The following CHRNB2 variants were observed in gnomAD, a reference collection of about 807,000 sequenced individuals.
The protein encoded by CHRNB2 is cholinergic receptor nicotinic beta 2 subunit.
Under a neutral mutation model 42.7 loss-of-function variants are expected in CHRNB2, and 33 were observed. The observed-to-expected ratio is 0.77, with a 90% CI of 0.59 to 1.03. The LOEUF (loss-of-function observed/expected upper bound fraction) is 1.03. Ranked by LOEUF, CHRNB2 falls within the 50% of genes least tolerant of loss-of-function variation. The pLI is 0.00. For missense variants in CHRNB2, 603 were observed against 700.9 expected, an observed-to-expected ratio of 0.86 and a Z score of 1.58; for synonymous variants, 325 against 292.9, an observed-to-expected ratio of 1.11 and a Z score of -1.12.
chr1:154,571,304 C>T lies in CHRNB2; in HGVS notation c.481C>T (p.His161Tyr), dbSNP rs1282479699. ...GAGCGCATGCAAGATTGAAGTAAAG[C>T]ACTTCCCATTTGACCAGCAGAACTG... Reference protein sequence around the residue: ...YKSACKIEVKHFPFDQQNCTM... With the variant: ...YKSACKIEVKYFPFDQQNCTM... The change falls in exon 5 of 6, where the codon CAC (histidine) becomes TAC (tyrosine). Residue 161 changes from histidine (H) to tyrosine (Y), a missense_variant. By Grantham distance (83) the His-to-Tyr change is moderately conservative (BLOSUM62 2). This residue lies in a region of CHRNB2 where 333 missense variants were observed against 452.6 expected (regional missense o/e 0.74). Transcript: ENST00000368476. The surrounding 1 kb of genome is among the most constrained non-coding windows in gnomAD (Gnocchi z 6.8). 1 of 1,614,230 alleles carries T rather than the reference C, an allele frequency of 6.2e-7. No individual in the cohort carries two copies. Among genetic ancestry groups the T allele is most frequent in the Non-Finnish European group, 8.5e-7 (1 of 1,180,040 alleles).
At chr1:154,575,350 A>C (rs1696251940) in intron 5 of CHRNB2, among the ~76,000 whole-genome samples, 1 of 152,226 alleles carries the variant, frequency 6.6e-6, no homozygotes, top group African/African-American at 2.4e-5. Context: ...GGATCAAGGC[A>C]GCCTTCAGAG....
In CHRNB2 at chr1:154,576,640, T is replaced by C. The variant is rs1696285921; in HGVS notation, c.*708T>C. Reference sequence around the variant, plus strand: ...TCTGGACTTCCCTCTTCTTCCTTCCTTTCTCAGGCTCAAGGTGTGGGGGGC... The same window carrying C: ...TCTGGACTTCCCTCTTCTTCCTTCCCTTCTCAGGCTCAAGGTGTGGGGGGC... On this transcript the variant is annotated 3_prime_UTR_variant, in exon 6 of 6. Coordinates refer to ENST00000368476, the MANE Select transcript of CHRNB2 (RefSeq NM_000748.3). 6.4e-6 allele frequency: 1 copy of C among 155,130 alleles called. No individual in the cohort carries two copies. The highest frequency in any genetic ancestry group is 1.9e-4 in the East Asian group (1 of 5,242). The allele number at this position is 155,130 out of a possible 1,614,324, so 9.6% of individuals were successfully genotyped here. A position where few individuals can be genotyped will look rare whatever the true frequency, so the allele number is the denominator to read the frequency against.
chr1:154,570,178 G>A (rs1400167121), intron 3 of CHRNB2, 80 bp from the exon 4 acceptor site: 2 of 930,444 alleles, frequency 2.1e-6, no homozygotes, highest in Non-Finnish European at 3.5e-6. Flanking sequence ...AAGCCATATG[G>A]GCCCCCTCTA....
chr1:154,575,304 G>A (rs964444451), intron 5 of CHRNB2, among the ~76,000 whole-genome samples: 4 of 152,204 alleles, frequency 2.6e-5, no homozygotes, highest in Middle Eastern at 3.2e-3. Context: ...CAGTGCAGAG[G>A]GAACCCAGAG....
chr1:154,570,053 C>G (rs1021912801), intron 3 of CHRNB2, among the ~76,000 whole-genome samples: 3 of 152,168 alleles, frequency 2.0e-5, no homozygotes, highest in African/African-American at 7.2e-5. Context: ...AATGTAGATT[C>G]TAATACTGTA....
chr1:154,572,038 T>C lies in CHRNB2; in HGVS notation c.1215T>C (p.Ala405=). 6.5e-7 allele frequency: 1 copy of C among 1,534,414 alleles called. No individual in the cohort carries two copies. Among genetic ancestry groups the C allele is most frequent in the Middle Eastern group, 1.8e-4 (1 of 5,552 alleles). The change falls in exon 5 of 6, where the codon GCT becomes GCC. Residue 405 remains alanine (A), a synonymous_variant. Transcript: ENST00000368476. The part of the protein sequence containing the change: ...SVQGLAGAFG[A]EPAPVAGPGR... ...AGGGGTTGGCCGGGGCCTTCGGGGC[T>C]GAGCCTGCACCAGTGGCGGGCCCCG...
In CHRNB2 at chr1:154,571,342, C is replaced by G; in HGVS notation, c.519C>G (p.Phe173Leu). ...ACCAGCAGAACTGCACCATGAAGTT[C>G]CGTTCGTGGACCTACGACCGCACAG... ...PFDQQNCTMK[F>L]RSWTYDRTEI... The change falls in exon 5 of 6, where the codon TTC becomes TTG. Residue 173 changes from phenylalanine (F) to leucine (L), a missense_variant. Physicochemically the swap from Phe to Leu is conservative, Grantham distance 22 (BLOSUM62 0). This residue lies in a region of CHRNB2 where 333 missense variants were observed against 452.6 expected (regional missense o/e 0.74). Transcript: ENST00000368476. The surrounding 1 kb of genome is among the most constrained non-coding windows in gnomAD (Gnocchi z 6.8). 6.2e-7 allele frequency: 1 copy of G among 1,614,202 alleles called. No individual in the cohort carries two copies. The highest frequency in any genetic ancestry group is 8.5e-7 in the Non-Finnish European group (1 of 1,180,036).
Position 154,577,523 on chromosome 1 carries a change from CCT to C in CHRNB2, c.*1594_*1595del, listed in dbSNP as rs1344372595. On this transcript the variant is annotated 3_prime_UTR_variant, in exon 6 of 6. Coordinates refer to ENST00000368476, the MANE Select transcript of CHRNB2 (RefSeq NM_000748.3). The stretch of plus-strand genomic sequence containing the variant: ...GCCTATAAAACGTAGGTGGCAATGC[CCT>C]CTTCCTGAGGTTGCTGGGAGGATAA... 1 of 152,226 alleles carries C rather than the reference CCT, an allele frequency of 6.6e-6. No homozygotes were observed. The highest frequency in any genetic ancestry group is 1.5e-5 in the Non-Finnish European group (1 of 68,096). The allele number at this position is 152,226 out of a possible 1,614,324, so 9.4% of individuals were successfully genotyped here.
rs199813635 is a variant in CHRNB2 at position 154,578,930 on chromosome 1, A to C, written c.*2998A>C. The stretch of plus-strand genomic sequence containing the variant: ...GAGACTATCTCCATCAGAGATGGCA[A>C]GGCCACAGGTGATCTGAGAACTATT... On this transcript the variant is annotated 3_prime_UTR_variant, in exon 6 of 6. Transcript: ENST00000368476. 5 of 152,264 alleles carry C rather than the reference A, an allele frequency of 3.3e-5. No homozygotes were observed. Among genetic ancestry groups the C allele is most frequent in the Non-Finnish European group, 5.9e-5 (4 of 68,058 alleles). The allele number at this position is 152,264 out of a possible 1,614,324, so 9.4% of individuals were successfully genotyped here. A position where few individuals can be genotyped will look rare whatever the true frequency, so the allele number is the denominator to read the frequency against.
At chr1:154,574,218 C>G (rs1160073837) in intron 5 of CHRNB2, among the ~76,000 whole-genome samples, 1 of 152,206 alleles carries the variant, frequency 6.6e-6, no homozygotes, top group Admixed American at 6.5e-5. Flanking sequence ...CCCTTTATCC[C>G]AAATAATTCA....
Position 154,576,069 on chromosome 1 carries a change from C to T in CHRNB2, c.*137C>T, listed in dbSNP as rs1696269090. On this transcript the variant is annotated 3_prime_UTR_variant, in exon 6 of 6. Coordinates refer to ENST00000368476, the MANE Select transcript of CHRNB2 (RefSeq NM_000748.3). ...TCCATCCTTTTGCTTCATCTGGAGTCCCTCCTCCCCCACGCCTCCATCCAC... is the reference window on the plus strand; with the variant it reads ...TCCATCCTTTTGCTTCATCTGGAGTTCCTCCTCCCCCACGCCTCCATCCAC... 2.7e-6 allele frequency: 3 copies of T among 1,108,412 alleles called. No individual in the cohort carries two copies. Among genetic ancestry groups the T allele is most frequent in the South Asian group, 1.3e-5 (1 of 77,636 alleles). 68.7% of individuals were successfully genotyped at this position (1,108,412 alleles called of 1,614,324 possible).
rs1696088429 is a variant in CHRNB2 at position 154,567,897 on chromosome 1, C to A, written c.-148C>A. 2 of 606,512 alleles carry A rather than the reference C, an allele frequency of 3.3e-6. No individual in the cohort carries two copies. Among genetic ancestry groups the A allele is most frequent in the Non-Finnish European group, 5.2e-6 (2 of 388,308 alleles). The allele number at this position is 606,512 out of a possible 1,614,324, so 37.6% of individuals were successfully genotyped here. ...TCTCCTCGCAGCCGGCTCCCTGAGG[C>A]CCAGGAACCACCGCGGCGGCCGGCA... On this transcript the variant is annotated 5_prime_UTR_variant, in exon 1 of 6. Coordinates refer to ENST00000368476, the MANE Select transcript of CHRNB2 (RefSeq NM_000748.3).
At chr1:154,573,434 A>C (rs1378517750) in intron 5 of CHRNB2, among the ~76,000 whole-genome samples, 1 of 152,196 alleles carries the variant, frequency 6.6e-6, no homozygotes, top group African/African-American at 2.4e-5. Flanking sequence ...CGGCATCACC[A>C]TTCACTTAAT....
At chr1:154,574,034 G>A (rs1696224091) in intron 5 of CHRNB2, among the ~76,000 whole-genome samples, 1 of 152,228 alleles carries the variant, frequency 6.6e-6, no homozygotes, top group Admixed American at 6.5e-5. Context: ...ACAGGCATGA[G>A]CCACTGCGCC....
chr1:154,571,663 G>C lies in CHRNB2; in HGVS notation c.840G>C (p.Leu280=). The C allele has an allele frequency of 1.2e-6, 2 of 1,614,202 alleles. No individual in the cohort carries two copies. Among genetic ancestry groups the C allele is most frequent in the Non-Finnish European group, 1.7e-6 (2 of 1,180,018 alleles). Residue 280 remains leucine (L), a synonymous_variant, in exon 5 of 6, where the codon CTG becomes CTC. Transcript: ENST00000368476. This position sits in a 1 kb window ranked among gnomAD's most constrained non-coding sequence, Gnocchi z 6.8. ...TGCTGCTGGCGCTCACGGTCTTCCT[G>C]CTGCTCATCTCCAAGATCGTGCCTC... ...ISVLLALTVF[L]LLISKIVPPT...
Position 154,567,990 on chromosome 1 carries a change from C to G in CHRNB2, c.-55C>G. 6.8e-7 allele frequency: 1 copy of G among 1,470,086 alleles called. No individual in the cohort carries two copies. The highest frequency in any genetic ancestry group is 9.0e-7 in the Non-Finnish European group (1 of 1,114,508). 91.1% of individuals were successfully genotyped at this position (1,470,086 alleles called of 1,614,324 possible). ...GGACAGCGCCCCACCCGCGGCCCTC[C>G]CCCCGGCGGCGCGCTCCAGCCGGTG... On this transcript the variant is annotated 5_prime_UTR_variant, in exon 1 of 6. Transcript: ENST00000368476.
In CHRNB2 at chr1:154,567,988, T is replaced by TC. The variant is rs906279352; in HGVS notation, c.-51dup. On this transcript the variant is annotated 5_prime_UTR_variant, in exon 1 of 6. Coordinates refer to ENST00000368476, the MANE Select transcript of CHRNB2 (RefSeq NM_000748.3). ...ACGGACAGCGCCCCACCCGCGGCCC[T>TC]CCCCCCGGCGGCGCGCTCCAGCCGG... is the stretch of plus-strand genomic sequence containing the variant. 3.4e-5 allele frequency: 50 copies of TC among 1,449,990 alleles called. No homozygotes were observed. Among genetic ancestry groups the TC allele is most frequent in the African/African-American group, 3.0e-4 (20 of 67,566 alleles). 89.8% of individuals were successfully genotyped at this position (1,449,990 alleles called of 1,614,324 possible). A position where few individuals can be genotyped will look rare whatever the true frequency, so the allele number is the denominator to read the frequency against.
chr1:154,575,018 C>T (rs1187427497), intron 5 of CHRNB2, among the ~76,000 whole-genome samples: 3 of 152,152 alleles, frequency 2.0e-5, no homozygotes, highest in African/African-American at 7.2e-5. Flanking sequence ...TCTTTTTGAC[C>T]GATTTGTTCA....
rs1696335903 is a variant in CHRNB2, at chr1:154,579,002, G to GT, written c.*3070_*3071insT. On this transcript the variant is annotated 3_prime_UTR_variant, in exon 6 of 6. Transcript: ENST00000368476. ...CACAGGCTCTCTGCTTTTGACAGGTGGCGTTGCAGTGGGAGGAAGGCAGCT... is the reference window on the plus strand; with the variant it reads ...CACAGGCTCTCTGCTTTTGACAGGTGTGCGTTGCAGTGGGAGGAAGGCAGCT... The GT allele has an allele frequency of 6.6e-6, 1 of 152,252 alleles. No homozygotes were observed. The highest frequency in any genetic ancestry group is 6.5e-5 in the Admixed American group (1 of 15,284). The allele number at this position is 152,252 out of a possible 1,614,324, so 9.4% of individuals were successfully genotyped here. A position where few individuals can be genotyped will look rare whatever the true frequency, so the allele number is the denominator to read the frequency against.
Sources: gnomAD v4.1 joint callset for allele counts (sites outside exome capture counted in the v4.1 genomes callset) on GRCh38, gnomAD v4.1.1 for gene constraint, gnomAD v4.1.1 regional missense constraint, Gnocchi (gnomAD v3.1) non-coding constraint, MANE v1.5 for transcripts, NCBI Gene and HGNC (gene_info 2026-07-23, HGNC 2026-07-21) for gene names.